Variants in COG5 observed in about 807,000 individuals in gnomAD.
The protein encoded by COG5 is conserved oligomeric Golgi complex subunit 5.
A neutral mutation model predicts 110.4 loss-of-function variants in COG5; 86 were observed. That is an observed-to-expected ratio of 0.78 (90% confidence interval 0.65 to 0.93). The LOEUF (loss-of-function observed/expected upper bound fraction) is 0.93, where lower values mean the gene tolerates loss of function less well. Among genes scored for constraint, COG5 ranks in the 40% least tolerant of loss-of-function variants. The pLI is 0.00. For missense variants in COG5, 1,077 were observed against 987.0 expected (o/e 1.09, Z -1.22); for synonymous variants, 360 against 334.6 (o/e 1.08, Z -0.83).
At chr7:107,301,081 A>C (rs1045162165) in intron 11 of COG5, among the ~76,000 whole-genome samples, 24 of 152,182 alleles carry the variant, frequency 1.6e-4, no homozygotes, top group African/African-American at 5.8e-4. Context: ...ATACTGTAAC[A>C]ATTGAATAGC....
At chr7:107,328,660 T>C (rs539071772) in intron 10 of COG5, among the ~76,000 whole-genome samples, 3 of 152,144 alleles carry the variant, frequency 2.0e-5, no homozygotes, top group Non-Finnish European at 4.4e-5. Context: ...TTTAAAAAAG[T>C]TATTCTAATA....
intron 6 of COG5, among the ~76,000 whole-genome samples, chr7:107,489,135 T>C (rs1471694161): frequency 2.0e-5 from 3 of 152,208 alleles, no homozygotes; most frequent in South Asian, 4.1e-4. Context: ...ACTTTTTTCA[T>C]ACTTCACTAA....
At chr7:107,436,575 C>T (rs962852138) in intron 6 of COG5, among the ~76,000 whole-genome samples, 1 of 152,106 alleles carries the variant, frequency 6.6e-6, no homozygotes, top group African/African-American at 2.4e-5. Context: ...CATAAAACTA[C>T]ATACTTAAAA....
chr7:107,329,239 G>A (rs1810031109), intron 10 of COG5, among the ~76,000 whole-genome samples: 1 of 152,122 alleles, frequency 6.6e-6, no homozygotes, highest in South Asian at 2.1e-4. Flanking sequence ...AACAGCTAGA[G>A]GCAGCTACTA....
At chr7:107,309,867 T>C (rs1252142839) in intron 11 of COG5, among the ~76,000 whole-genome samples, 1 of 152,218 alleles carries the variant, frequency 6.6e-6, no homozygotes, top group Non-Finnish European at 1.5e-5. Context: ...CTTTTATCCC[T>C]GTTCCTGCCA....
chr7:107,548,421 T>G, intron 3 of COG5, 89 bp from the exon 4 acceptor site: 5 of 1,211,062 alleles, frequency 4.1e-6, no homozygotes, highest in Non-Finnish European at 4.9e-6. Context: ...TACATGCATA[T>G]ATAATTTTAA....
At chr7:107,220,814 T>C (rs533690272) in intron 19 of COG5, among the ~76,000 whole-genome samples, 9 of 149,184 alleles carry the variant, frequency 6.0e-5, no homozygotes, top group African/African-American at 2.2e-4. Flanking sequence ...ACTCATGCCT[T>C]CTTTTTTTTT....
intron 3 of COG5, among the ~76,000 whole-genome samples, chr7:107,551,233 G>T (rs918009376): frequency 1.4e-4 from 21 of 152,072 alleles, no homozygotes; most frequent in African/African-American, 5.1e-4. Context: ...TAGTAGACAC[G>T]GGGTTTCACC....
In COG5 at chr7:107,311,519, G is replaced by A. The variant is rs111906064; in HGVS notation, c.1108+12921C>T. ...CGCCATTCTCCTGCCTCAGCCTCCC[G>A]AGTAGCTGGGACTACAGGCGCCCGC... On this transcript the variant is annotated intron_variant, in intron 11 of 21. Transcript: ENST00000297135. 2.1e-3 allele frequency among the ~76,000 whole-genome samples: 315 copies of A among 148,754 alleles called. 2 individuals carry two copies. Among genetic ancestry groups the A allele is most frequent in the African/African-American group, 7.3e-3 (297 of 40,662 alleles).
intron 6 of COG5, among the ~76,000 whole-genome samples, chr7:107,444,403 T>G (rs973769194): frequency 6.6e-6 from 1 of 152,194 alleles, no homozygotes; most frequent in South Asian, 2.1e-4. Flanking sequence ...AAGTTAGCCA[T>G]GAAAAGTTGC....
rs75923322 is a variant in COG5, at chr7:107,550,891, GT to G, written c.293-2560del. On this transcript the variant is annotated intron_variant, in intron 3 of 21. Transcript: ENST00000297135. ...CAGCCCTGTTTTCTACTTGTACTTT[GT>G]TTTTTTTTTTTTATCTACCTCCAGG... Among the ~76,000 whole-genome samples, 428 of 141,638 alleles carry G rather than the reference GT, an allele frequency of 3.0e-3. 2 individuals are homozygous for G. The highest frequency in any genetic ancestry group is 4.7e-3 in the Non-Finnish European group (301 of 64,018). The allele number at this position is 141,638 out of a possible 152,430, so 92.9% of individuals were successfully genotyped here.
chr7:107,359,304 C>T (rs1278309862), intron 10 of COG5, among the ~76,000 whole-genome samples: 1 of 152,196 alleles, frequency 6.6e-6, no homozygotes, highest in Non-Finnish European at 1.5e-5. Context: ...CAGGTGTGTG[C>T]AGACTCAGGG....
chr7:107,302,271 T>C lies in COG5; in HGVS notation c.1109-3925A>G, dbSNP rs140573756. Among the ~76,000 whole-genome samples the C allele has an allele frequency of 1.2e-3, 180 of 152,264 alleles. 2 individuals carry two copies. The highest frequency in any genetic ancestry group is 4.1e-3 in the African/African-American group (171 of 41,566). ...ATGAAAGAAGCCAAACAAATAAGAA[T>C]ATATAATATATGCTAAATCATTCAA... is the stretch of plus-strand genomic sequence containing the variant. On this transcript the variant is annotated intron_variant, in intron 11 of 21. Transcript: ENST00000297135.
chr7:107,495,517 C>T (rs183841613), intron 6 of COG5, among the ~76,000 whole-genome samples: 1 of 152,132 alleles, frequency 6.6e-6, no homozygotes, highest in East Asian at 1.9e-4. Flanking sequence ...TCCATAATGT[C>T]TAGTTTTCAA....
chr7:107,204,240 G>A (rs967524021), intron 21 of COG5, among the ~76,000 whole-genome samples: 4 of 152,132 alleles, frequency 2.6e-5, no homozygotes, highest in Non-Finnish European at 5.9e-5. Flanking sequence ...TAGGTTGGGG[G>A]TTAGCAAACT....
intron 17 of COG5, among the ~76,000 whole-genome samples, chr7:107,239,984 T>TC (rs1801488091): frequency 6.6e-6 from 1 of 152,216 alleles, no homozygotes; most frequent in Non-Finnish European, 1.5e-5. Context: ...ACAAAGGGGC[T>TC]CATCTATCAC....
rs577769253 is a variant in COG5 at position 107,336,551 on chromosome 7, T to A, written c.1027-12030A>T. Among the ~76,000 whole-genome samples the A allele has an allele frequency of 8.0e-4, 122 of 152,230 alleles. 2 individuals are homozygous for A. The highest frequency in any genetic ancestry group is 1.4e-3 in the Non-Finnish European group (94 of 68,034). On this transcript the variant is annotated intron_variant, in intron 10 of 21. Coordinates refer to ENST00000297135, the MANE Select transcript of COG5 (RefSeq NM_006348.5). ...GCTGGAAGAGAATAATTCAAATTCA[T>A]AAATAAAATATATACTTAAGGTGAT...
chr7:107,339,825 A>C (rs1308669658), intron 10 of COG5, among the ~76,000 whole-genome samples: 2 of 152,140 alleles, frequency 1.3e-5, no homozygotes, highest in Non-Finnish European at 1.5e-5. Context: ...AAAAATGAAA[A>C]GAGATAACAT....
chr7:107,397,401 C>G (rs1293241000), intron 7 of COG5, among the ~76,000 whole-genome samples: 2 of 152,152 alleles, frequency 1.3e-5, no homozygotes, highest in African/African-American at 4.8e-5. Context: ...ATGTTAGCAC[C>G]ACCTACACCC....
Sources: allele counts gnomAD v4.1 joint callset (sites outside exome capture counted in the v4.1 genomes callset), GRCh38; gene constraint gnomAD v4.1.1; transcripts MANE v1.5; gene names NCBI Gene and HGNC (gene_info 2026-07-23, HGNC 2026-07-21).